EGFLAM: variants seen among roughly 807,000 people sequenced by gnomAD.
The protein encoded by EGFLAM is pikachurin.
EGFLAM carries 79 observed loss-of-function variants against 113.1 expected under a neutral mutation model. The ratio of observed to expected loss-of-function variants is 0.70; its 90% confidence interval spans 0.58 to 0.84. EGFLAM has a LOEUF of 0.84. EGFLAM is among the 40% of genes least tolerant of loss of function. The pLI is 0.00. For synonymous variants in EGFLAM, 504 were observed against 487.6 expected, an observed-to-expected ratio of 1.03 and a Z score of -0.44; for missense variants, 1,265 against 1,291.6, an observed-to-expected ratio of 0.98 and a Z score of 0.32.
chr5:38,453,922 T>C (rs139732523), intron 19 of EGFLAM, among the ~76,000 whole-genome samples: 1 of 152,284 alleles, frequency 6.6e-6, no homozygotes, highest in Non-Finnish European at 1.5e-5. Context: ...CTGCTTAGGA[T>C]CCTTCAAAGA....
chr5:38,437,310 G>T (rs767503143), intron 16 of EGFLAM, among the ~76,000 whole-genome samples: 85 of 152,278 alleles, frequency 5.6e-4, no homozygotes, highest in South Asian at 6.2e-4. Flanking sequence ...AGGGAAGGAG[G>T]ATAGCAGGAG....
intron 1 of EGFLAM, among the ~76,000 whole-genome samples, chr5:38,334,262 T>C (rs150451400): frequency 6.6e-6 from 1 of 152,188 alleles, no homozygotes; most frequent in Non-Finnish European, 1.5e-5. Context: ...TTAGTTTGTT[T>C]GGCTGCTATA....
chr5:38,352,166 T>C, intron 4 of EGFLAM, 30 bp from the exon 5 acceptor site: 1 of 1,613,644 alleles, frequency 6.2e-7, no homozygotes, highest in Non-Finnish European at 8.5e-7. Context: ...ACCACCAGCC[T>C]AGTCTAGTTG....
At chr5:38,375,232 A>G (rs1740335398) in intron 6 of EGFLAM, among the ~76,000 whole-genome samples, 1 of 152,196 alleles carries the variant, frequency 6.6e-6, no homozygotes, top group Non-Finnish European at 1.5e-5. Context: ...ATATTTCGGT[A>G]TAGCCCTAGT....
chr5:38,412,529 A>G lies in EGFLAM; in HGVS notation c.1375A>G (p.Ile459Val), dbSNP rs769192298. The change falls in exon 11 of 22, where the codon ATC becomes GTC. Residue 459 changes from isoleucine to valine, a missense_variant. Ile to Val is a conservative substitution (Grantham distance 29, BLOSUM62 3). Transcript: ENST00000322350. Reference sequence around the variant, plus strand: ...GTTTAATTGTGGAACTGGGGTTGCCATCATCGTAAGTGAGACCAAAATCAA... The same window carrying G: ...GTTTAATTGTGGAACTGGGGTTGCCGTCATCGTAAGTGAGACCAAAATCAA... ...FRFNCGTGVA[I>V]IVSETKIKLG... is the part of the protein sequence containing the mutation. The G allele has an allele frequency of 6.2e-7, 1 of 1,614,004 alleles. No individual in the cohort carries two copies.
chr5:38,298,783 G>A (rs1206198217), intron 1 of EGFLAM, among the ~76,000 whole-genome samples: 1 of 151,828 alleles, frequency 6.6e-6, no homozygotes, highest in African/African-American at 2.4e-5. Context: ...TCACTGTAGT[G>A]TCAACCTCCT....
chr5:38,326,943 C>G (rs553094240), intron 1 of EGFLAM, among the ~76,000 whole-genome samples: 13 of 151,926 alleles, frequency 8.6e-5, no homozygotes, highest in Admixed American at 7.9e-4. Flanking sequence ...GGATTACAGA[C>G]ATGCGACACC....
intron 6 of EGFLAM, among the ~76,000 whole-genome samples, chr5:38,392,751 G>C (rs1046963048): frequency 6.6e-6 from 1 of 152,058 alleles, no homozygotes; most frequent in Non-Finnish European, 1.5e-5. Flanking sequence ...TGTTACATAT[G>C]TATACATGTG....
chr5:38,354,161 C>T (rs1739702615), intron 5 of EGFLAM, among the ~76,000 whole-genome samples: 1 of 151,924 alleles, frequency 6.6e-6, no homozygotes, highest in Admixed American at 6.6e-5. Flanking sequence ...TTTTATAATG[C>T]CCACTGCAAA....
intron 1 of EGFLAM, chr5:38,286,239 C>T (rs1321705200): frequency 6.6e-6 from 1 of 152,186 alleles, no homozygotes; most frequent in African/African-American, 2.4e-5. Context: ...TCTTGCAGTG[C>T]TCAAGTTTCT....
intron 4 of EGFLAM, 29 bp from the exon 5 acceptor site, chr5:38,352,167 A>G (rs549304771): frequency 2.5e-6 from 4 of 1,613,632 alleles, no homozygotes; most frequent in Admixed American, 1.7e-5. Flanking sequence ...CCACCAGCCT[A>G]GTCTAGTTGT....
chr5:38,390,481 T>C (rs9292708), intron 6 of EGFLAM, among the ~76,000 whole-genome samples: 43,420 of 152,132 alleles, frequency 0.29, 7,390 homozygotes, highest in African/African-American at 0.47. Context: ...TTTCCTTGTA[T>C]GTGTGTACAA....
intron 5 of EGFLAM, among the ~76,000 whole-genome samples, chr5:38,355,731 C>G (rs1739746843): frequency 6.6e-6 from 1 of 152,136 alleles, no homozygotes; most frequent in South Asian, 2.1e-4. Flanking sequence ...TTAGAGCTGT[C>G]TAATATCTAA....
At chr5:38,442,341 T>G (rs1055169678) in intron 17 of EGFLAM, among the ~76,000 whole-genome samples, 1 of 147,882 alleles carries the variant, frequency 6.8e-6, no homozygotes, top group African/African-American at 2.4e-5. Context: ...TATTATTTGA[T>G]TTAAAATATT....
At chr5:38,268,239 AGT>A (rs1169577445) in intron 1 of EGFLAM, among the ~76,000 whole-genome samples, 1 of 152,134 alleles carries the variant, frequency 6.6e-6, no homozygotes, top group African/African-American at 2.4e-5. Context: ...TTTTGGACTT[AGT>A]CTAAGTCCAA....
intron 12 of EGFLAM, among the ~76,000 whole-genome samples, chr5:38,424,342 C>T (rs927248008): frequency 2.0e-5 from 3 of 152,132 alleles, no homozygotes; most frequent in Admixed American, 6.6e-5. Context: ...CCTTTCTGTC[C>T]CTCATCAGGG....
intron 5 of EGFLAM, among the ~76,000 whole-genome samples, chr5:38,362,565 A>T (rs1177514790): frequency 6.6e-6 from 1 of 152,250 alleles, no homozygotes; most frequent in East Asian, 1.9e-4. Context: ...CTATTTAAGT[A>T]TGAGCTTTCA....
intron 1 of EGFLAM, among the ~76,000 whole-genome samples, chr5:38,332,515 T>C (rs1360502350): frequency 6.6e-6 from 1 of 152,134 alleles, no homozygotes; most frequent in Admixed American, 6.5e-5. Context: ...GCTAGATGAA[T>C]TAAATACACG....
rs1320021612 is a variant in EGFLAM, at chr5:38,355,780, G to T, written c.545+3449G>T. On this transcript the variant is annotated intron_variant, in intron 5 of 21. Transcript: ENST00000322350. ...TCAAATTCATATGTATATATTTTGA[G>T]GCAGAGTTTCACTCTTGTTGCCCAG... Among the ~76,000 whole-genome samples the T allele has an allele frequency of 3.9e-5, 6 of 152,244 alleles. No individual in the cohort carries two copies. In the East Asian group the frequency reaches 1.2e-3, roughly 29 times the overall value.
Sources: allele counts gnomAD v4.1 joint callset (sites outside exome capture counted in the v4.1 genomes callset), GRCh38; gene constraint gnomAD v4.1.1; transcripts MANE v1.5; gene names NCBI Gene and HGNC (gene_info 2026-07-23, HGNC 2026-07-21).